The following SGCZ variants were observed in gnomAD, a reference collection of about 807,000 sequenced individuals.
SGCZ encodes the protein sarcoglycan zeta, also known as zeta-sarcoglycan.
SGCZ carries 40 observed loss-of-function variants against 41.3 expected under a neutral mutation model. The ratio of observed to expected loss-of-function variants is 0.97; its 90% CI spans 0.75 to 1.26. SGCZ has a LOEUF of 1.26. SGCZ is among the 50% of genes most tolerant of loss of function. SGCZ has a pLI of 0.00. For missense variants in SGCZ, 552 were observed against 369.8 expected (o/e 1.49, Z -4.04); for synonymous variants, 206 against 137.5 (o/e 1.50, Z -3.49).
At chr8:14,180,860 G>A (rs1024924955) in intron 4 of SGCZ, among the ~76,000 whole-genome samples, 6 of 151,696 alleles carry the variant, frequency 4.0e-5, no homozygotes, top group Non-Finnish European at 8.8e-5. Flanking sequence ...GCTGGACAGT[G>A]CCCCCATACT....
At chr8:14,999,752 A>T (rs1802344645) in intron 1 of SGCZ, among the ~76,000 whole-genome samples, 1 of 152,188 alleles carries the variant, frequency 6.6e-6, no homozygotes, top group Non-Finnish European at 1.5e-5. Flanking sequence ...CAATTCATTT[A>T]AAAAAGCTAT....
intron 1 of SGCZ, among the ~76,000 whole-genome samples, chr8:15,032,892 C>T (rs1803731591): frequency 6.6e-6 from 1 of 152,124 alleles, no homozygotes; most frequent in African/African-American, 2.4e-5. Context: ...TCCCCTGTGG[C>T]CCCAGGCTCC....
At chr8:14,277,901 G>A (rs1450633540) in intron 3 of SGCZ, among the ~76,000 whole-genome samples, 7 of 151,856 alleles carry the variant, frequency 4.6e-5, no homozygotes, top group African/African-American at 9.6e-5. Flanking sequence ...CAGAGAGAGA[G>A]AAAAAGAAAA....
chr8:14,973,562 C>G (rs1432515861), intron 1 of SGCZ, among the ~76,000 whole-genome samples: 2 of 152,026 alleles, frequency 1.3e-5, no homozygotes, highest in Non-Finnish European at 2.9e-5. Context: ...TCTTCTCTGA[C>G]CTAAAGGAAT....
chr8:15,086,428 T>A (rs907099853), intron 1 of SGCZ, among the ~76,000 whole-genome samples: 7 of 152,178 alleles, frequency 4.6e-5, no homozygotes, highest in Non-Finnish European at 1.0e-4. Flanking sequence ...TTTCCAAGTA[T>A]TTTCTTTCCA....
chr8:14,664,112 G>C (rs1807835306), intron 1 of SGCZ, among the ~76,000 whole-genome samples: 1 of 152,152 alleles, frequency 6.6e-6, no homozygotes, highest in South Asian at 2.1e-4. Context: ...GGACTAAATG[G>C]TTCCAAGTTA....
chr8:14,477,776 T>C (rs901558121), intron 2 of SGCZ, among the ~76,000 whole-genome samples: 2 of 152,206 alleles, frequency 1.3e-5, no homozygotes, highest in Admixed American at 6.5e-5. Flanking sequence ...AGGAAATGTG[T>C]CTGAAAAATC....
intron 1 of SGCZ, among the ~76,000 whole-genome samples, chr8:14,790,924 G>A (rs759568238): frequency 3.3e-5 from 5 of 151,638 alleles, no homozygotes; most frequent in East Asian, 2.0e-4. Context: ...CTACCCACTC[G>A]AGTGGTTAAG....
At chr8:15,046,915 C>G in intron 1 of SGCZ, among the ~76,000 whole-genome samples, 1 of 151,904 alleles carries the variant, frequency 6.6e-6, no homozygotes, top group East Asian at 1.9e-4. Flanking sequence ...TTTGCTCCAT[C>G]TTAGAATATA....
intron 1 of SGCZ, among the ~76,000 whole-genome samples, chr8:15,103,157 T>C (rs1196827499): frequency 6.6e-6 from 1 of 152,050 alleles, no homozygotes; most frequent in African/African-American, 2.4e-5. Context: ...TCCCAGCACT[T>C]TGGGAGGCCA....
At chr8:15,211,866 T>C (rs970966649) in intron 1 of SGCZ, among the ~76,000 whole-genome samples, 1 of 152,110 alleles carries the variant, frequency 6.6e-6, no homozygotes, top group Non-Finnish European at 1.5e-5. Context: ...TGGAAACTCA[T>C]CTTTTTCTGG....
rs918086138 is a variant in SGCZ, at chr8:14,643,793, T to C, written c.40-88867A>G. ...TTGCTTCTCCTTCAAACAAGTCACA[T>C]CCTAAATTGAAGGTTGCCTCTATCA... is the stretch of plus-strand genomic sequence containing the variant. On this transcript the variant is annotated intron_variant, in intron 1 of 7. Transcript: ENST00000382080. 5.3e-5 allele frequency among the ~76,000 whole-genome samples: 8 copies of C among 151,708 alleles called. No individual in the cohort carries two copies. The Admixed American group carries it at 5.3e-4, about 10-fold the overall frequency.
chr8:15,060,912 G>A (rs1156756225), intron 1 of SGCZ, among the ~76,000 whole-genome samples: 3 of 152,062 alleles, frequency 2.0e-5, no homozygotes, highest in African/African-American at 7.2e-5. Flanking sequence ...GGATTGCTTC[G>A]ATACTCCACC....
intron 4 of SGCZ, among the ~76,000 whole-genome samples, chr8:14,229,132 GAAT>G (rs1806473989): frequency 6.6e-6 from 1 of 152,084 alleles, no homozygotes. Flanking sequence ...AAAATCTCTA[GAAT>G]TCCCTGATTC....
At chr8:14,987,854 T>A (rs1801877271) in intron 1 of SGCZ, among the ~76,000 whole-genome samples, 1 of 152,050 alleles carries the variant, frequency 6.6e-6, no homozygotes, top group Non-Finnish European at 1.5e-5. Flanking sequence ...TTAATACGTG[T>A]ATTAAATTGC....
At chr8:14,846,708 A>C (rs1040637139) in intron 1 of SGCZ, among the ~76,000 whole-genome samples, 156 of 67,694 alleles carry the variant, frequency 2.3e-3, no homozygotes, top group South Asian at 4.7e-3. Context: ...AAATCCAAAA[A>C]AAAAAAAAAA....
At chr8:14,903,644 G>A (rs530944830) in intron 1 of SGCZ, among the ~76,000 whole-genome samples, 61 of 152,144 alleles carry the variant, frequency 4.0e-4, no homozygotes, top group African/African-American at 1.4e-3. Context: ...ACACTATCCT[G>A]GAAGACTGAG....
At chr8:14,513,268 G>T (rs1386007738) in intron 2 of SGCZ, among the ~76,000 whole-genome samples, 1 of 151,978 alleles carries the variant, frequency 6.6e-6, no homozygotes, top group Non-Finnish European at 1.5e-5. Context: ...GAACTCATGG[G>T]CTTAAGCAAT....
chr8:14,932,998 T>C (rs114434869), intron 1 of SGCZ, among the ~76,000 whole-genome samples: 1 of 151,946 alleles, frequency 6.6e-6, no homozygotes, highest in African/African-American at 2.4e-5. Context: ...GACCTAAATA[T>C]TGAATACTCA....
Sources: allele counts gnomAD v4.1 joint callset (sites outside exome capture counted in the v4.1 genomes callset), GRCh38; gene constraint gnomAD v4.1.1; transcripts MANE v1.5; gene names NCBI Gene and HGNC (gene_info 2026-07-23, HGNC 2026-07-21).